The following STPG2 variants were observed in gnomAD, a reference collection of about 807,000 sequenced individuals.
STPG2 encodes the protein sperm tail PG-rich repeat containing 2, also known as sperm-tail PG-rich repeat-containing protein 2.
STPG2 carries 56 observed loss-of-function variants against 54.2 expected under a neutral mutation model. That is an observed-to-expected ratio of 1.03 (90% confidence interval 0.83 to 1.29). The LOEUF is 1.29. Ranked by LOEUF, STPG2 falls within the 50% of genes most tolerant of loss-of-function variation. The pLI is 0.00. For synonymous variants in STPG2, 200 were observed against 181.8 expected (o/e 1.10, Z -0.81); for missense variants, 596 against 544.9 (o/e 1.09, Z -0.93).
chr4:97,561,625 T>C (rs1337370545), intron 10 of STPG2, among the ~76,000 whole-genome samples: 1 of 152,212 alleles, frequency 6.6e-6, no homozygotes, highest in African/African-American at 2.4e-5. Context: ...AATTTTTGTA[T>C]AAGGGGTAAG....
chr4:97,610,606 C>T (rs147661268), intron 10 of STPG2, among the ~76,000 whole-genome samples: 1 of 152,070 alleles, frequency 6.6e-6, no homozygotes, highest in East Asian at 1.9e-4. Flanking sequence ...CCAATCTACA[C>T]AGTCACATAG....
intron 9 of STPG2, among the ~76,000 whole-genome samples, chr4:97,802,702 C>T (rs1210687979): frequency 6.6e-6 from 1 of 152,000 alleles, no homozygotes; most frequent in East Asian, 1.9e-4. Context: ...AACTCCTGAC[C>T]TCAGTTTATC....
chr4:97,521,326 G>A (rs1021755690), intron 4 of STPG2, among the ~76,000 whole-genome samples: 4 of 151,950 alleles, frequency 2.6e-5, no homozygotes, highest in Admixed American at 6.6e-5. Flanking sequence ...GAAATTTGCC[G>A]GGTCAATCTC....
At chr4:97,714,516 C>T (rs1447401725) in intron 9 of STPG2, among the ~76,000 whole-genome samples, 1 of 152,060 alleles carries the variant, frequency 6.6e-6, no homozygotes, top group African/African-American at 2.4e-5. Flanking sequence ...TCTAAAGTTC[C>T]TTGTGGGAAG....
chr4:97,974,806 C>T (rs963620140), intron 6 of STPG2, among the ~76,000 whole-genome samples: 12 of 151,892 alleles, frequency 7.9e-5, no homozygotes, highest in Admixed American at 2.6e-4. Flanking sequence ...GTCTCGGGAA[C>T]GTCTTTATCA....
At position 97,817,748 on chromosome 4, in the gene STPG2, T is replaced by C. The variant is rs181652732; in HGVS notation, c.1204+23025A>G. Among the ~76,000 whole-genome samples, 5 of 152,108 alleles carry C rather than the reference T, an allele frequency of 3.3e-5. No individual in the cohort carries two copies. In the East Asian group the frequency reaches 9.6e-4, roughly 29 times the overall value. ...TTTTAGTGATAAGAAGCCTTTTAAC[T>C]CTAGAGGCAACTCTTCCATTAAAAG... On this transcript the variant is annotated intron_variant, in intron 9 of 10. Transcript: ENST00000295268.
At chr4:97,497,001 TA>T (rs1322340392) in intron 4 of STPG2, among the ~76,000 whole-genome samples, 4 of 146,102 alleles carry the variant, frequency 2.7e-5, no homozygotes, top group African/African-American at 7.9e-5. Flanking sequence ...TTTTTTTTTT[TA>T]AAAAAAGCAG....
chr4:97,484,962 A>T (rs1204275744), intron 4 of STPG2, among the ~76,000 whole-genome samples: 1 of 151,958 alleles, frequency 6.6e-6, no homozygotes, highest in Non-Finnish European at 1.5e-5. Flanking sequence ...CAAAAATCAC[A>T]TGATCATTTC....
chr4:97,918,791 A>T (rs1731984897), intron 8 of STPG2, among the ~76,000 whole-genome samples: 1 of 152,140 alleles, frequency 6.6e-6, no homozygotes, highest in African/African-American at 2.4e-5. Flanking sequence ...TACAAATGAT[A>T]TAATGAACTC....
chr4:97,816,807 T>C (rs964602768), intron 9 of STPG2, among the ~76,000 whole-genome samples: 2 of 151,202 alleles, frequency 1.3e-5, no homozygotes, highest in Admixed American at 6.6e-5. Context: ...TCTCTCTCTT[T>C]CTGACCCTCT....
chr4:97,548,530 TACTTAGTATGAAATAATAA>T (rs1199612116), intron 4 of STPG2, among the ~76,000 whole-genome samples: 15 of 152,218 alleles, frequency 9.9e-5, no homozygotes, highest in South Asian at 8.3e-4. Flanking sequence ...AGTAAGCATT[TACTTAGTATGAAATAATAA>T]ACTTAGTATG....
chr4:97,761,201 T>C (rs1259117589), intron 9 of STPG2, among the ~76,000 whole-genome samples: 3 of 152,222 alleles, frequency 2.0e-5, no homozygotes, highest in African/African-American at 4.8e-5. Flanking sequence ...CTCACAGTAC[T>C]TCAGAATGTA....
At chr4:97,667,642 C>T (rs1578465966) in intron 10 of STPG2, among the ~76,000 whole-genome samples, 1 of 152,154 alleles carries the variant, frequency 6.6e-6, no homozygotes, top group East Asian at 1.9e-4. Flanking sequence ...TTTTTTCAAA[C>T]TCTTCCTTCC....
intron 10 of STPG2, among the ~76,000 whole-genome samples, chr4:97,635,509 A>C (rs1281269382): frequency 1.3e-5 from 2 of 152,216 alleles, no homozygotes; most frequent in Non-Finnish European, 2.9e-5. Flanking sequence ...TTAAATGTAA[A>C]TGGACTAAAT....
intron 3 of STPG2, among the ~76,000 whole-genome samples, chr4:98,111,039 C>G (rs1056444995): frequency 6.6e-6 from 1 of 152,122 alleles, no homozygotes; most frequent in African/African-American, 2.4e-5. Context: ...ACTTTAAGGA[C>G]TTTCTGGAAG....
At chr4:97,942,660 A>C (rs917586480) in intron 8 of STPG2, among the ~76,000 whole-genome samples, 4 of 152,166 alleles carry the variant, frequency 2.6e-5, no homozygotes, top group Non-Finnish European at 5.9e-5. Flanking sequence ...ATTCAGAGTT[A>C]TATTAACTAG....
intron 10 of STPG2, among the ~76,000 whole-genome samples, chr4:97,645,540 A>G (rs1300750756): frequency 6.6e-6 from 1 of 152,194 alleles, no homozygotes; most frequent in African/African-American, 2.4e-5. Context: ...CATGTGGCAT[A>G]TGAATGTGGC....
intron 5 of STPG2, among the ~76,000 whole-genome samples, chr4:98,071,406 C>A (rs1308230672): frequency 6.6e-6 from 1 of 152,036 alleles, no homozygotes; most frequent in Non-Finnish European, 1.5e-5. Flanking sequence ...ACACCTTATA[C>A]AAAAATTAAC....
At chr4:97,935,972 G>A (rs941679488) in intron 8 of STPG2, among the ~76,000 whole-genome samples, 2 of 149,910 alleles carry the variant, frequency 1.3e-5, no homozygotes, top group African/African-American at 2.5e-5. Context: ...AATGTTTACA[G>A]TGAGGTGTTA....
Sources: gnomAD v4.1 joint callset for allele counts (sites outside exome capture counted in the v4.1 genomes callset) on GRCh38, gnomAD v4.1.1 for gene constraint, MANE v1.5 for transcripts, NCBI Gene and HGNC (gene_info 2026-07-23, HGNC 2026-07-21) for gene names.